Variants in CHD5 observed in about 807,000 individuals in gnomAD.
CHD5 encodes ATP-dependent chromatin remodeler CHD5.
In CHD5, 69 loss-of-function variants were observed where a neutral mutation model predicts 230.3. That is an observed-to-expected ratio of 0.30 (90% CI 0.25 to 0.37). The LOEUF is 0.37. Ranked by LOEUF, CHD5 falls within the 10% of genes least tolerant of loss-of-function variation. The pLI, the probability that CHD5 is intolerant of heterozygous loss-of-function variation, is 1.00. For synonymous variants in CHD5, 1,064 were observed against 1,065.9 expected, an observed-to-expected ratio of 1.00 and a Z score of 0.03; for missense variants, 1,827 against 2,622.8, an observed-to-expected ratio of 0.70 and a Z score of 6.63.
intron 33 of CHD5, among the ~76,000 whole-genome samples, chr1:6,117,890 A>G (rs1666402523): frequency 6.6e-6 from 1 of 152,198 alleles, no homozygotes; most frequent in Admixed American, 6.5e-5. Flanking sequence ...GTTTCTCAAA[A>G]TGGTACAGAG....
At chr1:6,173,834 TC>T (rs932197337) in intron 1 of CHD5, among the ~76,000 whole-genome samples, 1 of 151,580 alleles carries the variant, frequency 6.6e-6, no homozygotes, top group African/African-American at 2.4e-5. Flanking sequence ...TCCTCGAACC[TC>T]CCCCCATGAG....
Position 6,121,264 on chromosome 1 carries a change from C to T in CHD5, c.4780-27G>A. On this transcript the variant is annotated intron_variant, in intron 32 of 41. Transcript: ENST00000262450. This position sits in a 1 kb window ranked among gnomAD's most constrained non-coding sequence, Gnocchi z 4.5. ...TGCAGAGGAAAAGCCAGGAGAACTA[C>T]AAGGCCTGGGGCCTCACCAGGAACG... The T allele has an allele frequency of 6.2e-7, 1 of 1,600,500 alleles. No individual in the cohort carries two copies. The highest frequency in any genetic ancestry group is 1.1e-5 in the South Asian group (1 of 89,042).
rs1004903050 is a variant in CHD5 at position 6,155,470 on chromosome 1, G to A, written c.506+129C>T. ...TGCCCCCTCCCTCCAGCTCCCCCAG[G>A]TTGCTCAGTCGGTCTGACAGAGCCC... On this transcript the variant is annotated intron_variant, in intron 4 of 41. Coordinates refer to ENST00000262450, the MANE Select transcript of CHD5 (RefSeq NM_015557.3). This position sits in a 1 kb window ranked among gnomAD's most constrained non-coding sequence, Gnocchi z 4.0. The A allele has an allele frequency of 9.7e-6, 7 of 724,412 alleles. No individual in the cohort carries two copies. In the Middle Eastern group the frequency reaches 1.5e-3, roughly 157 times the overall value. 44.9% of individuals were successfully genotyped at this position (724,412 alleles called of 1,614,324 possible). A position where few individuals can be genotyped will look rare whatever the true frequency, so the allele number is the denominator to read the frequency against.
intron 37 of CHD5, 108 bp from the exon 38 acceptor site, chr1:6,110,098 G>C (rs559761693): frequency 3.8e-4 from 417 of 1,104,928 alleles, no homozygotes; most frequent in Middle Eastern, 1.8e-3. Context: ...AGGAGGGAAA[G>C]AGGACGTACT....
At chr1:6,119,763 G>A (rs561256089) in intron 33 of CHD5, among the ~76,000 whole-genome samples, 8 of 150,436 alleles carry the variant, frequency 5.3e-5, no homozygotes, top group South Asian at 2.1e-4. Flanking sequence ...ACATACGTGC[G>A]TACATACGTA....
intron 2 of CHD5, among the ~76,000 whole-genome samples, chr1:6,162,720 GGAC>G (rs1667197031): frequency 1.3e-5 from 2 of 152,302 alleles, no homozygotes; most frequent in Non-Finnish European, 2.9e-5. Flanking sequence ...GATACAGCCA[GGAC>G]GACAAGCTGG....
At chr1:6,169,311 A>G (rs1667301313) in intron 1 of CHD5, among the ~76,000 whole-genome samples, 1 of 152,212 alleles carries the variant, frequency 6.6e-6, no homozygotes, top group Non-Finnish European at 1.5e-5. Context: ...GTGACAGTCC[A>G]CAGAGAGACG....
In CHD5 at chr1:6,130,081, G is replaced by C. The variant is rs1212162110; in HGVS notation, c.3387+123C>G. ...CTTGGGGCCGAGACTCCACGGGGGA[G>C]GGAGGCCCACAGCACCAGGATAGGT... On this transcript the variant is annotated intron_variant, in intron 22 of 41. Transcript: ENST00000262450. This position sits in a 1 kb window ranked among gnomAD's most constrained non-coding sequence, Gnocchi z 4.9. 2 of 1,147,314 alleles carry C rather than the reference G, an allele frequency of 1.7e-6. No individual in the cohort carries two copies. The highest frequency in any genetic ancestry group is 1.5e-5 in the African/African-American group (1 of 66,030). The allele number at this position is 1,147,314 out of a possible 1,614,324, so 71.1% of individuals were successfully genotyped here.
chr1:6,154,649 C>T lies in CHD5; in HGVS notation c.745+11G>A. 2 of 1,543,490 alleles carry T rather than the reference C, an allele frequency of 1.3e-6. No homozygotes were observed. Among genetic ancestry groups the T allele is most frequent in the Non-Finnish European group, 1.7e-6 (2 of 1,143,458 alleles). On this transcript the variant is annotated intron_variant, in intron 5 of 41. Transcript: ENST00000262450. This position sits in a 1 kb window ranked among gnomAD's most constrained non-coding sequence, Gnocchi z 7.0. ...CAGCGGGACTAGGTGCCCACCCAAC[C>T]CCAGCCTTACCTTTGCCCTCCTTGG...
Position 6,180,204 on chromosome 1 carries a change from T to G in CHD5, c.-181A>C. 9.1e-6 allele frequency: 1 copy of G among 109,570 alleles called. No homozygotes were observed. The allele number at this position is 109,570 out of a possible 1,614,324, so 6.8% of individuals were successfully genotyped here. ...ACCCCCCCGTCTCGACCCCCCTTTC[T>G]CTCGGCCGCCTTAGCCTGCTCCCCG... On this transcript the variant is annotated 5_prime_UTR_variant, in exon 1 of 42. Coordinates refer to ENST00000262450, the MANE Select transcript of CHD5 (RefSeq NM_015557.3).
intron 20 of CHD5, among the ~76,000 whole-genome samples, chr1:6,133,177 C>T (rs11121297): frequency 0.18 from 28,004 of 152,156 alleles, 3,400 homozygotes; most frequent in East Asian, 0.66. Context: ...CCGTCTCTGT[C>T]GCTTGCCCTG....
rs765246517 is a variant in CHD5, at chr1:6,129,078, A to T, written c.3388-9T>A. ...TGGGCGCGGCTGAAGGCCTGGGGAGACCTGCACCTCAGCACCCGTGGCTCA... is the reference window on the plus strand; with the variant it reads ...TGGGCGCGGCTGAAGGCCTGGGGAGTCCTGCACCTCAGCACCCGTGGCTCA... On this transcript the variant is annotated splice_polypyrimidine_tract_variant and intron_variant, in intron 22 of 41. Transcript: ENST00000262450. The surrounding 1 kb of genome is among the most constrained non-coding windows in gnomAD (Gnocchi z 6.8). The T allele has an allele frequency of 3.1e-6, 5 of 1,588,734 alleles. No homozygotes were observed.
At chr1:6,162,424 C>T (rs1391582914) in intron 2 of CHD5, among the ~76,000 whole-genome samples, 1 of 151,848 alleles carries the variant, frequency 6.6e-6, no homozygotes, top group Non-Finnish European at 1.5e-5. Flanking sequence ...AAAGAAAATG[C>T]CTTGAACATC....
intron 2 of CHD5, among the ~76,000 whole-genome samples, chr1:6,160,586 C>T (rs1446835637): frequency 6.6e-6 from 1 of 152,298 alleles, no homozygotes; most frequent in Non-Finnish European, 1.5e-5. Flanking sequence ...TCCCATGGAA[C>T]TGCGTTCGTC....
At chr1:6,109,697 AG>A (rs1557535496) in intron 38 of CHD5, 97 bp downstream of exon 38, 4 of 1,055,954 alleles carry the variant, frequency 3.8e-6, no homozygotes, top group Non-Finnish European at 2.8e-6. Context: ...ATCTGTCCCC[AG>A]CCCCTACCCC....
Position 6,128,626 on chromosome 1 carries a change from G to A in CHD5, c.3620-17C>T, listed in dbSNP as rs1467975733. 6.3e-7 allele frequency: 1 copy of A among 1,593,084 alleles called. No individual in the cohort carries two copies. Among genetic ancestry groups the A allele is most frequent in the East Asian group, 2.2e-5 (1 of 44,756 alleles). On this transcript the variant is annotated splice_polypyrimidine_tract_variant and intron_variant, in intron 23 of 41. Coordinates refer to ENST00000262450, the MANE Select transcript of CHD5 (RefSeq NM_015557.3). This position sits in a 1 kb window ranked among gnomAD's most constrained non-coding sequence, Gnocchi z 7.8. ...ACATCATGCCTGTCAGACAGAGAAG[G>A]AAAGCACTGGTGCAGGACCACAGAG... is the stretch of plus-strand genomic sequence containing the variant.
intron 33 of CHD5, among the ~76,000 whole-genome samples, chr1:6,119,657 G>A (rs1045787387): frequency 6.6e-6 from 1 of 151,644 alleles, no homozygotes; most frequent in Admixed American, 6.6e-5. Context: ...TTAAAAACTT[G>A]AACAATATAA....
At chr1:6,165,402 G>A (rs1667236449) in intron 2 of CHD5, among the ~76,000 whole-genome samples, 1 of 152,182 alleles carries the variant, frequency 6.6e-6, no homozygotes, top group African/African-American at 2.4e-5. Flanking sequence ...ACCCAGCCCA[G>A]TGGCCTGAGA....
chr1:6,106,917 G>A lies in CHD5; in HGVS notation c.5579-138C>T, dbSNP rs1038819597. On this transcript the variant is annotated intron_variant, in intron 38 of 41. Coordinates refer to ENST00000262450, the MANE Select transcript of CHD5 (RefSeq NM_015557.3). The stretch of plus-strand genomic sequence containing the variant: ...AAGGATGGAGGGATGGAAGGATGGA[G>A]GGATGGAGGGGTGGAGGGGTGGAGG... 1.2e-5 allele frequency: 4 copies of A among 331,222 alleles called. No homozygotes were observed. In the Admixed American group the frequency reaches 1.7e-4, roughly 14 times the overall value. 20.5% of individuals were successfully genotyped at this position (331,222 alleles called of 1,614,324 possible). A position where few individuals can be genotyped will look rare whatever the true frequency, so the allele number is the denominator to read the frequency against.
Sources: gnomAD v4.1 joint callset for allele counts (sites outside exome capture counted in the v4.1 genomes callset) on GRCh38, gnomAD v4.1.1 for gene constraint, Gnocchi (gnomAD v3.1) non-coding constraint, MANE v1.5 for transcripts, NCBI Gene and HGNC (gene_info 2026-07-23, HGNC 2026-07-21) for gene names.